TENM3: variants seen among roughly 807,000 people sequenced by gnomAD.
The protein encoded by TENM3 is teneurin-3.
Under a neutral mutation model 255.1 loss-of-function variants are expected in TENM3, and 63 were observed. That is an observed-to-expected ratio of 0.25 (90% CI 0.20 to 0.30). TENM3 has a LOEUF of 0.30. Among genes scored for constraint, TENM3 ranks in the 10% least tolerant of loss-of-function variants. TENM3 has a pLI of 1.00. For missense variants in TENM3, 2,929 were observed against 3,461.1 expected (o/e 0.85, Z 3.86); for synonymous variants, 1,306 against 1,322.3 (o/e 0.99, Z 0.27).
chr4:181,516,357 T>TA, the TENM3 span, among the ~76,000 whole-genome samples: 1 of 90,488 alleles, frequency 1.1e-5, no homozygotes, highest in Non-Finnish European at 2.3e-5. Flanking sequence ...GAACTTAAAA[T>TA]AAAAAATATT....
intron 3 of TENM3, among the ~76,000 whole-genome samples, chr4:182,522,831 A>G (rs1260889896): frequency 1.3e-5 from 2 of 152,196 alleles, no homozygotes; most frequent in African/African-American, 4.8e-5. Flanking sequence ...GGATTGCTGG[A>G]TCATATGGTA....
the TENM3 span, among the ~76,000 whole-genome samples, chr4:181,923,265 T>C: frequency 5.3e-5 from 8 of 151,390 alleles, no homozygotes; most frequent in African/African-American, 1.9e-4. Context: ...TTGGTGCAAT[T>C]ATTAAACCAA....
chr4:182,481,049 A>C (rs1734148580), intron 3 of TENM3, among the ~76,000 whole-genome samples: 1 of 151,548 alleles, frequency 6.6e-6, no homozygotes, highest in African/African-American at 2.4e-5. Flanking sequence ...CCTCTTATCT[A>C]TTGCTTGGGG....
intron 3 of TENM3, among the ~76,000 whole-genome samples, chr4:182,434,955 C>G (rs1329355203): frequency 1.3e-5 from 2 of 152,116 alleles, no homozygotes; most frequent in Admixed American, 1.3e-4. Flanking sequence ...ACAATGAGTA[C>G]AGGAAAGGCA....
At chr4:181,870,924 A>G in the TENM3 span, among the ~76,000 whole-genome samples, 1 of 152,034 alleles carries the variant, frequency 6.6e-6, no homozygotes. Flanking sequence ...TGGATCTCTG[A>G]TTATCTTGAA....
the TENM3 span, among the ~76,000 whole-genome samples, chr4:181,556,818 G>C: frequency 6.6e-6 from 1 of 151,984 alleles, no homozygotes; most frequent in African/African-American, 2.4e-5. Flanking sequence ...ATTTTGCATT[G>C]TCTTCATTTT....
intron 5 of TENM3, among the ~76,000 whole-genome samples, chr4:182,650,887 A>ATATATATATATATAT (rs1753197371): frequency 4.4e-5 from 1 of 22,850 alleles, no homozygotes; most frequent in African/African-American, 2.0e-4. Flanking sequence ...GTAATAAAAA[A>ATATATATATATATAT]AAATATATAT....
chr4:182,082,863 G>A, the TENM3 span, among the ~76,000 whole-genome samples: 1 of 152,280 alleles, frequency 6.6e-6, no homozygotes, highest in East Asian at 1.9e-4. Context: ...TTATTAAGGG[G>A]TATTTTATGT....
At chr4:181,891,848 G>A in the TENM3 span, among the ~76,000 whole-genome samples, 1 of 152,248 alleles carries the variant, frequency 6.6e-6, no homozygotes, top group Admixed American at 6.5e-5. Flanking sequence ...AGTGTGGCCA[G>A]TGTGATAGTA....
At chr4:181,653,071 C>T in the TENM3 span, among the ~76,000 whole-genome samples, 1 of 152,174 alleles carries the variant, frequency 6.6e-6, no homozygotes, top group African/African-American at 2.4e-5. Context: ...CACTTGTTCA[C>T]TCTGGAGTTA....
chr4:181,701,761 A>G, the TENM3 span, among the ~76,000 whole-genome samples: 4 of 152,348 alleles, frequency 2.6e-5, no homozygotes, highest in African/African-American at 9.6e-5. Context: ...ATGTAAATCA[A>G]CGGAGCTTTC....
chr4:181,671,595 T>C, the TENM3 span, among the ~76,000 whole-genome samples: 1 of 152,212 alleles, frequency 6.6e-6, no homozygotes, highest in Non-Finnish European at 1.5e-5. Context: ...TAAAGCACCT[T>C]AGCACTTGGT....
chr4:181,663,764 T>C, the TENM3 span, among the ~76,000 whole-genome samples: 2 of 152,140 alleles, frequency 1.3e-5, no homozygotes, highest in Non-Finnish European at 2.9e-5. Context: ...TTTTCCTTGA[T>C]TCCCATGACT....
chr4:181,788,545 C>T, the TENM3 span, among the ~76,000 whole-genome samples: 1 of 152,114 alleles, frequency 6.6e-6, no homozygotes, highest in South Asian at 2.1e-4. Flanking sequence ...ACAATGTAGC[C>T]CACCGCTGTG....
the TENM3 span, among the ~76,000 whole-genome samples, chr4:181,638,793 A>C: frequency 6.6e-6 from 1 of 152,190 alleles, no homozygotes; most frequent in Admixed American, 6.5e-5. Context: ...TATATTCCAG[A>C]GTTCCTTTAA....
intron 1 of TENM3, among the ~76,000 whole-genome samples, chr4:182,314,557 T>C (rs868818717): frequency 2.6e-5 from 4 of 152,258 alleles, no homozygotes; most frequent in Non-Finnish European, 5.9e-5. Context: ...TGACAATCTC[T>C]GCCTTTTAAT....
chr4:181,566,614 C>T, the TENM3 span, among the ~76,000 whole-genome samples: 129 of 152,244 alleles, frequency 8.5e-4, 1 homozygote, highest in Middle Eastern at 6.8e-3. Flanking sequence ...ATATGGTTCT[C>T]ATCTGGTAAC....
intron 6 of TENM3, among the ~76,000 whole-genome samples, chr4:182,661,975 C>A (rs562468458): frequency 6.6e-6 from 1 of 152,196 alleles, no homozygotes; most frequent in South Asian, 2.1e-4. Flanking sequence ...ACTGATTTTT[C>A]TGATAGCACA....
the TENM3 span, among the ~76,000 whole-genome samples, chr4:181,999,534 C>G: frequency 1.3e-5 from 2 of 151,990 alleles, no homozygotes; most frequent in African/African-American, 4.8e-5. Context: ...ACAGTGCTTC[C>G]GTGGAATAAA....
Sources: gnomAD v4.1 joint callset for allele counts (sites outside exome capture counted in the v4.1 genomes callset) on GRCh38, gnomAD v4.1.1 for gene constraint, MANE v1.5 for transcripts, NCBI Gene and HGNC (gene_info 2026-07-23, HGNC 2026-07-21) for gene names.